Variants in CDC27 observed in about 807,000 individuals in gnomAD.
CDC27 encodes the protein cell division cycle 27, also known as cell division cycle protein 27 homolog.
A neutral mutation model predicts 109.7 loss-of-function variants in CDC27; 27 were observed. The ratio of observed to expected loss-of-function variants is 0.25; its 90% CI spans 0.18 to 0.34. The LOEUF is 0.34. Among genes scored for constraint, CDC27 ranks in the 10% least tolerant of loss-of-function variants. The pLI, the probability that CDC27 is intolerant of heterozygous loss-of-function variation, is 1.00. For synonymous variants in CDC27, 266 were observed against 333.9 expected (o/e 0.80, Z 2.22); for missense variants, 579 against 960.2 (o/e 0.60, Z 5.25).
intron 7 of CDC27, among the ~76,000 whole-genome samples, chr17:47,155,698 C>G (rs1339583755): frequency 6.6e-6 from 1 of 152,038 alleles, no homozygotes; most frequent in East Asian, 1.9e-4. Flanking sequence ...TCACGGTAAT[C>G]CTAGCACTTT....
At chr17:47,136,071 G>A (rs551002464) in intron 14 of CDC27, among the ~76,000 whole-genome samples, 3 of 152,252 alleles carry the variant, frequency 2.0e-5, no homozygotes, top group African/African-American at 7.2e-5. Context: ...GAACCTGGGA[G>A]GCGGAGCATA....
chr17:47,155,161 A>G (rs1334781227), intron 7 of CDC27, among the ~76,000 whole-genome samples: 1 of 151,844 alleles, frequency 6.6e-6, no homozygotes, highest in African/African-American at 2.4e-5. Context: ...GATAACTATA[A>G]CTCTCCAGAG....
intron 4 of CDC27, among the ~76,000 whole-genome samples, chr17:47,166,736 C>T (rs937416403): frequency 4.6e-5 from 7 of 152,144 alleles, no homozygotes; most frequent in Admixed American, 2.0e-4. Flanking sequence ...CTATAAATTT[C>T]GCTGTAAGAC....
chr17:47,124,039 C>T, intron 16 of CDC27, 79 bp from the exon 17 acceptor site: 1 of 826,298 alleles, frequency 1.2e-6, no homozygotes, highest in Non-Finnish European at 1.9e-6. Flanking sequence ...ATTTGATTTC[C>T]CAAATCATCT....
intron 16 of CDC27, 51 bp downstream of exon 16, chr17:47,129,342 C>T (rs372353301): frequency 1.6e-5 from 21 of 1,292,586 alleles, no homozygotes; most frequent in African/African-American, 6.0e-5. Context: ...CAAGGGATAA[C>T]GTTGTTTTTA....
intron 4 of CDC27, among the ~76,000 whole-genome samples, chr17:47,167,102 A>G (rs858676): frequency 0.92 from 139,605 of 152,290 alleles, 64,163 homozygotes; most frequent in East Asian, 0.99. Context: ...TGATCCACCC[A>G]CCTTGGCCTC....
intron 16 of CDC27, among the ~76,000 whole-genome samples, chr17:47,125,681 T>C (rs562323523): frequency 1.3e-5 from 2 of 152,000 alleles, no homozygotes; most frequent in Admixed American, 6.6e-5. Flanking sequence ...GTAGCTGTGA[T>C]TACAGGCGCC....
intron 4 of CDC27, among the ~76,000 whole-genome samples, chr17:47,165,227 G>C (rs1016277178): frequency 3.9e-5 from 6 of 152,016 alleles, no homozygotes; most frequent in Non-Finnish European, 7.4e-5. Flanking sequence ...ACTGAATTTT[G>C]GGTTGTTTCC....
intron 4 of CDC27, among the ~76,000 whole-genome samples, chr17:47,166,476 A>C (rs2063651027): frequency 1.3e-5 from 2 of 152,220 alleles, no homozygotes; most frequent in Middle Eastern, 6.8e-3. Context: ...TTCCTGATAT[A>C]AGTAATGGTG....
chr17:47,140,760 C>T (rs1424619891), intron 12 of CDC27, among the ~76,000 whole-genome samples: 1 of 152,168 alleles, frequency 6.6e-6, no homozygotes, highest in Non-Finnish European at 1.5e-5. Context: ...ATAATCGAAA[C>T]ATGGGTTTTG....
At chr17:47,123,808 A>T (rs1485275360) in intron 17 of CDC27, 78 bp downstream of exon 17, 2 of 992,734 alleles carry the variant, frequency 2.0e-6, no homozygotes, top group Non-Finnish European at 3.0e-6. Flanking sequence ...TATGTACAGG[A>T]AGTATTACAT....
intron 4 of CDC27, chr17:47,159,817 C>A (rs1206544255): frequency 2.1e-6 from 1 of 466,260 alleles, no homozygotes; most frequent in Non-Finnish European, 4.2e-6. Context: ...CCCTGATGGG[C>A]AGGGAGAAGA....
chr17:47,133,483 A>G (rs1461417267), intron 14 of CDC27, among the ~76,000 whole-genome samples: 2 of 147,370 alleles, frequency 1.4e-5, no homozygotes, highest in Non-Finnish European at 3.0e-5. Context: ...CTTGTTGCCC[A>G]GGCTGTAGTG....
In CDC27 at chr17:47,158,254, T is replaced by C; in HGVS notation, c.427A>G (p.Ser143Gly). 1 of 1,587,588 alleles carries C rather than the reference T, an allele frequency of 6.3e-7. No homozygotes were observed. Among genetic ancestry groups the C allele is most frequent in the Non-Finnish European group, 8.6e-7 (1 of 1,167,526 alleles). The change falls in exon 5 of 19, where the codon AGT becomes GGT. Residue 143 changes from serine (S) to glycine (G), a missense_variant. Coordinates refer to ENST00000066544, the MANE Select transcript of CDC27 (RefSeq NM_001256.6). ...GGAGACCAGAGGAAAGGATTTAAAC[T>C]AAGGCTCTTTTGGTAACATTCTGAT... Reference protein sequence around the residue: ...KGSECYQKSLSLNPFLWSPFE... With the variant: ...KGSECYQKSLGLNPFLWSPFE...
chr17:47,120,612 T>A lies in CDC27; in HGVS notation c.*323A>T. 1 of 200,710 alleles carries A rather than the reference T, an allele frequency of 5.0e-6. No homozygotes were observed. Among genetic ancestry groups the A allele is most frequent in the East Asian group, 1.1e-4 (1 of 9,084 alleles). The allele number at this position is 200,710 out of a possible 1,614,324, so 12.4% of individuals were successfully genotyped here. On this transcript the variant is annotated 3_prime_UTR_variant, in exon 19 of 19. Transcript: ENST00000066544. ...CATCACTATTTTCCATATCTAATGG[T>A]TCCTTCAAGATAAAGCATAACTCTT...
intron 1 of CDC27, among the ~76,000 whole-genome samples, chr17:47,183,117 G>A (rs971522261): frequency 3.3e-5 from 5 of 152,138 alleles, no homozygotes; most frequent in African/African-American, 4.8e-5. Context: ...ACTAGGTAAT[G>A]TCAAATCATT....
intron 2 of CDC27, among the ~76,000 whole-genome samples, chr17:47,172,935 A>G (rs1004162340): frequency 2.0e-5 from 3 of 152,222 alleles, no homozygotes; most frequent in Non-Finnish European, 4.4e-5. Flanking sequence ...TGGTTCTCAA[A>G]GTGTGGTCCT....
intron 1 of CDC27, among the ~76,000 whole-genome samples, chr17:47,184,091 A>C (rs1427869819): frequency 6.6e-6 from 1 of 152,222 alleles, no homozygotes; most frequent in Non-Finnish European, 1.5e-5. Flanking sequence ...TGAAGATACC[A>C]AAGATTTGAT....
chr17:47,117,805 T>C lies in CDC27; in HGVS notation c.*3130A>G, dbSNP rs1295015523. 6.6e-6 allele frequency: 1 copy of C among 152,200 alleles called. No individual in the cohort carries two copies. The highest frequency in any genetic ancestry group is 1.5e-5 in the Non-Finnish European group (1 of 68,028). The allele number at this position is 152,200 out of a possible 1,614,324, so 9.4% of individuals were successfully genotyped here. A position where few individuals can be genotyped will look rare whatever the true frequency, so the allele number is the denominator to read the frequency against. On this transcript the variant is annotated 3_prime_UTR_variant, in exon 19 of 19. Transcript: ENST00000066544. ...ATTAAGAGTGTAAGTTTTAAAAAATTAGATAAACATTGCTCTAGTTTTTTG... is the reference window on the plus strand; with the variant it reads ...ATTAAGAGTGTAAGTTTTAAAAAATCAGATAAACATTGCTCTAGTTTTTTG...
Sources: gnomAD v4.1 joint callset for allele counts (sites outside exome capture counted in the v4.1 genomes callset) on GRCh38, gnomAD v4.1.1 for gene constraint, MANE v1.5 for transcripts, NCBI Gene and HGNC (gene_info 2026-07-23, HGNC 2026-07-21) for gene names.